EXOC4: variants seen among roughly 807,000 people sequenced by gnomAD.
EXOC4 encodes exocyst complex component 4.
A neutral mutation model predicts 107.2 loss-of-function variants in EXOC4; 71 were observed. That is an observed-to-expected ratio of 0.66 (90% CI 0.55 to 0.81). EXOC4 has a LOEUF of 0.81. Ranked by LOEUF, EXOC4 falls within the 30% of genes least tolerant of loss-of-function variation. EXOC4 has a pLI of 0.00. For missense variants in EXOC4, 1,108 were observed against 1,189.6 expected (o/e 0.93, Z 1.01); for synonymous variants, 456 against 441.2 (o/e 1.03, Z -0.42).
intron 7 of EXOC4, among the ~76,000 whole-genome samples, chr7:133,379,298 G>C (rs547569309): frequency 6.6e-6 from 1 of 151,918 alleles, no homozygotes; most frequent in Non-Finnish European, 1.5e-5. Context: ...GTTTCATTTA[G>C]TTGTCTTTAA....
intron 9 of EXOC4, among the ~76,000 whole-genome samples, chr7:133,540,162 A>G (rs944149594): frequency 2.6e-5 from 4 of 152,192 alleles, no homozygotes; most frequent in African/African-American, 9.7e-5. Context: ...ACTTGTTATC[A>G]TTTATGTAGC....
intron 11 of EXOC4, among the ~76,000 whole-genome samples, chr7:133,851,735 C>T (rs761975520): frequency 2.0e-5 from 3 of 152,236 alleles, no homozygotes; most frequent in Non-Finnish European, 4.4e-5. Flanking sequence ...CAGCAGCCAG[C>T]GTATTTAAGG....
chr7:133,604,174 C>T (rs537428672), intron 9 of EXOC4, among the ~76,000 whole-genome samples: 39 of 152,258 alleles, frequency 2.6e-4, no homozygotes, highest in Middle Eastern at 3.4e-3. Context: ...GCTGTCAGCT[C>T]TTATGATAAC....
At chr7:133,986,665 T>C (rs543872884) in intron 14 of EXOC4, among the ~76,000 whole-genome samples, 56 of 152,362 alleles carry the variant, frequency 3.7e-4, no homozygotes, top group African/African-American at 1.3e-3. Flanking sequence ...ATAAATAATT[T>C]ATTTCTTAAA....
intron 17 of EXOC4, among the ~76,000 whole-genome samples, chr7:134,051,506 A>C (rs1795786631): frequency 6.6e-6 from 1 of 151,984 alleles, no homozygotes; most frequent in African/African-American, 2.4e-5. Flanking sequence ...CCCTGTCTCT[A>C]CTAAAAATAC....
chr7:133,726,948 T>C (rs929503486), intron 10 of EXOC4, among the ~76,000 whole-genome samples: 2 of 152,206 alleles, frequency 1.3e-5, no homozygotes, highest in African/African-American at 4.8e-5. Flanking sequence ...CCTGTGACTT[T>C]CCTAAGTAAC....
At chr7:133,781,647 AAG>A (rs1796469288) in intron 10 of EXOC4, among the ~76,000 whole-genome samples, 2 of 152,190 alleles carry the variant, frequency 1.3e-5, no homozygotes, top group Non-Finnish European at 2.9e-5. Flanking sequence ...CACGTACTTA[AAG>A]CTCGTGGGAG....
At chr7:134,071,263 C>G (rs1262858563), downstream of EXOC4, among the ~76,000 whole-genome samples, 3 of 152,216 alleles carry the variant, frequency 2.0e-5, no homozygotes, top group Non-Finnish European at 4.4e-5. Flanking sequence ...CTGCCCAACA[C>G]CAGAGTTCAT....
chr7:133,692,204 T>TA (rs1330511672), intron 10 of EXOC4, among the ~76,000 whole-genome samples: 1 of 152,204 alleles, frequency 6.6e-6, no homozygotes, highest in Admixed American at 6.5e-5. Flanking sequence ...AAGCCAAAAG[T>TA]AATCCTCAAG....
chr7:133,686,057 G>C (rs1007274601), intron 10 of EXOC4, among the ~76,000 whole-genome samples: 2 of 151,966 alleles, frequency 1.3e-5, no homozygotes, highest in Admixed American at 6.6e-5. Context: ...CTTTTTCGTG[G>C]ATTAATGGGT....
chr7:133,864,235 T>C (rs1350823635), intron 11 of EXOC4, among the ~76,000 whole-genome samples: 2 of 152,218 alleles, frequency 1.3e-5, no homozygotes, highest in African/African-American at 4.8e-5. Context: ...AGCATTTTAC[T>C]TAATGCCTTT....
chr7:133,483,376 C>G (rs1220140901), intron 9 of EXOC4, among the ~76,000 whole-genome samples: 1 of 152,100 alleles, frequency 6.6e-6, no homozygotes, highest in African/African-American at 2.4e-5. Flanking sequence ...AGAAATATTG[C>G]CCTTGAGCTC....
intron 14 of EXOC4, among the ~76,000 whole-genome samples, chr7:133,960,385 G>T (rs1446870324): frequency 3.3e-5 from 5 of 152,114 alleles, no homozygotes; most frequent in African/African-American, 1.2e-4. Context: ...TTTAGGGAGG[G>T]TTCCCTCTTT....
chr7:133,546,085 T>C (rs1800475088), intron 9 of EXOC4, among the ~76,000 whole-genome samples: 1 of 152,188 alleles, frequency 6.6e-6, no homozygotes, highest in South Asian at 2.1e-4. Context: ...GATATCACTC[T>C]AGATAATGTT....
intron 10 of EXOC4, among the ~76,000 whole-genome samples, chr7:133,768,970 A>C (rs1208644310): frequency 2.0e-5 from 3 of 151,998 alleles, no homozygotes; most frequent in Non-Finnish European, 4.4e-5. Flanking sequence ...GAAATTAGGC[A>C]GATGAAGACA....
At position 133,480,085 on chromosome 7, in the gene EXOC4, C is replaced by T; in HGVS notation, c.1364C>T (p.Ala455Val). 1 of 1,614,000 alleles carries T rather than the reference C, an allele frequency of 6.2e-7. No homozygotes were observed. ...TCCTCCCATGCCATCAGTATGAGCG[C>T]CTATCTGCGAGAACAGAGAAGGGAG... is the stretch of plus-strand genomic sequence containing the variant. ...ESSSHAISMS[A>V]YLREQRRELY... Residue 455 changes from alanine to valine, a missense_variant, in exon 9 of 18, where the codon GCC becomes GTC. Physicochemically the swap from Ala to Val is moderately conservative, Grantham distance 64 (BLOSUM62 0). Coordinates refer to ENST00000253861, the MANE Select transcript of EXOC4 (RefSeq NM_021807.4).
intron 13 of EXOC4, among the ~76,000 whole-genome samples, chr7:133,936,251 A>G (rs1800297328): frequency 6.6e-6 from 1 of 152,216 alleles, no homozygotes; most frequent in South Asian, 2.1e-4. Context: ...CCTTTAAAAA[A>G]GATAACCCTC....
intron 11 of EXOC4, among the ~76,000 whole-genome samples, chr7:133,840,825 T>G (rs1798011196): frequency 6.6e-6 from 1 of 152,168 alleles, no homozygotes; most frequent in Non-Finnish European, 1.5e-5. Flanking sequence ...CATTGGGTGT[T>G]ACCTTTATGA....
chr7:133,719,673 G>T (rs970813361), intron 10 of EXOC4, among the ~76,000 whole-genome samples: 3 of 151,914 alleles, frequency 2.0e-5, no homozygotes, highest in African/African-American at 7.3e-5. Context: ...ATTTTAATAA[G>T]GCATAGTGAC....
Sources: gnomAD v4.1 joint callset for allele counts (sites outside exome capture counted in the v4.1 genomes callset) on GRCh38, gnomAD v4.1.1 for gene constraint, MANE v1.5 for transcripts, NCBI Gene and HGNC (gene_info 2026-07-23, HGNC 2026-07-21) for gene names.